Variants in TNR observed in about 807,000 individuals in gnomAD.
TNR encodes tenascin R.
In TNR, 45 loss-of-function variants were observed where a neutral mutation model predicts 150.4. The observed-to-expected ratio is 0.30, with a 90% CI of 0.24 to 0.38. The LOEUF (loss-of-function observed/expected upper bound fraction) is 0.38, where lower values mean the gene tolerates loss of function less well. Ranked by LOEUF, TNR falls within the 10% of genes least tolerant of loss-of-function variation. The pLI, the probability that TNR is intolerant of heterozygous loss-of-function variation, is 1.00. For missense variants in TNR, 1,544 were observed against 1,759.1 expected, an observed-to-expected ratio of 0.88 and a Z score of 2.19; for synonymous variants, 687 against 678.4, an observed-to-expected ratio of 1.01 and a Z score of -0.20.
chr1:175,346,183 A>T (rs1650772098), intron 18 of TNR, among the ~76,000 whole-genome samples: 1 of 152,252 alleles, frequency 6.6e-6, no homozygotes, highest in Admixed American at 6.5e-5. Context: ...TAGAGAACAC[A>T]AATAAGAGTG....
At chr1:175,739,906 C>A (rs181861163) in intron 1 of TNR, among the ~76,000 whole-genome samples, 2 of 152,340 alleles carry the variant, frequency 1.3e-5, no homozygotes, top group Non-Finnish European at 2.9e-5. Context: ...ATACTGAATT[C>A]TAAGTTTTTA....
At position 175,657,879 on chromosome 1, in the gene TNR, A is replaced by G. The variant is rs5020490; in HGVS notation, c.-165+85347T>C. ...TATATATATATATATATATATATAT[A>G]TATATGTAACAAACCTGCACGTTGT... On this transcript the variant is annotated intron_variant, in intron 1 of 22. Transcript: ENST00000367674. Among the ~76,000 whole-genome samples, 568 of 121,090 alleles carry G rather than the reference A, an allele frequency of 4.7e-3. 37 individuals are homozygous for G. Among genetic ancestry groups the G allele is most frequent in the African/African-American group, 0.013 (429 of 33,588 alleles). 79.4% of individuals were successfully genotyped at this position (121,090 alleles called of 152,430 possible). A position where few individuals can be genotyped will look rare whatever the true frequency, so the allele number is the denominator to read the frequency against.
intron 1 of TNR, among the ~76,000 whole-genome samples, chr1:175,652,152 ATATAT>A (rs1665019848): frequency 2.0e-5 from 3 of 147,302 alleles, no homozygotes; most frequent in Admixed American, 1.4e-4. Flanking sequence ...ACTTTATATA[ATATAT>A]TATGTATATA....
chr1:175,678,650 G>T (rs977175938), intron 1 of TNR, among the ~76,000 whole-genome samples: 1 of 152,212 alleles, frequency 6.6e-6, no homozygotes, highest in Non-Finnish European at 1.5e-5. Flanking sequence ...CAGCTTCAGG[G>T]CATTGACCAA....
At chr1:175,550,916 T>C (rs1660912446) in intron 1 of TNR, among the ~76,000 whole-genome samples, 1 of 152,110 alleles carries the variant, frequency 6.6e-6, no homozygotes, top group Admixed American at 6.6e-5. Flanking sequence ...AATGTTTAAA[T>C]TGACACCATG....
Position 175,365,021 on chromosome 1 carries a change from G to T in TNR, c.2576C>A (p.Ser859Tyr). 6.2e-7 allele frequency: 1 copy of T among 1,606,470 alleles called. No individual in the cohort carries two copies. The highest frequency in any genetic ancestry group is 1.3e-5 in the African/African-American group (1 of 74,860). Residue 859 changes from serine (S) to tyrosine (Y), a missense_variant, in exon 12 of 23, where the codon TCC becomes TAC. Physicochemically the swap from Ser to Tyr is moderately radical, Grantham distance 144. Coordinates refer to ENST00000367674, the MANE Select transcript of TNR (RefSeq NM_003285.3). ...TCCTCCAGCCTCACCTGTGGTGATG[G>T]AGCCCACAATGGGCTCAGAGGTCAC... Reference protein sequence around the residue: ...GTVTSEPIVGSITTGIDPPKD... With the variant: ...GTVTSEPIVGYITTGIDPPKD...
At chr1:175,609,196 G>T (rs930298503) in intron 1 of TNR, among the ~76,000 whole-genome samples, 1 of 152,134 alleles carries the variant, frequency 6.6e-6, no homozygotes, top group South Asian at 2.1e-4. Flanking sequence ...CAAACATAGT[G>T]GGAAGAAGAG....
chr1:175,561,862 G>T (rs1404115772), intron 1 of TNR, among the ~76,000 whole-genome samples: 1 of 152,168 alleles, frequency 6.6e-6, no homozygotes, highest in African/African-American at 2.4e-5. Context: ...TGAGGCCCGT[G>T]AGACCTGGGC....
intron 2 of TNR, among the ~76,000 whole-genome samples, chr1:175,513,016 C>T (rs1190961587): frequency 6.6e-6 from 1 of 152,198 alleles, no homozygotes; most frequent in Non-Finnish European, 1.5e-5. Context: ...GTATGGTTCC[C>T]TGGCCCCAAC....
chr1:175,631,607 T>C (rs1664329826), intron 1 of TNR, among the ~76,000 whole-genome samples: 1 of 152,202 alleles, frequency 6.6e-6, no homozygotes, highest in South Asian at 2.1e-4. Flanking sequence ...GTGGCCTATA[T>C]ATTGGGGGTC....
In TNR at chr1:175,323,056, C is replaced by T; in HGVS notation, c.*301G>A. The T allele has an allele frequency of 3.8e-6, 1 of 261,782 alleles. No homozygotes were observed. Among genetic ancestry groups the T allele is most frequent in the South Asian group, 7.6e-5 (1 of 13,226 alleles). 16.2% of individuals were successfully genotyped at this position (261,782 alleles called of 1,614,324 possible). ...GTGCCTGTCACCATAACAATCTGCACCCCACGACTTGGCTTTGAATTGGCC... is the reference window on the plus strand; with the variant it reads ...GTGCCTGTCACCATAACAATCTGCATCCCACGACTTGGCTTTGAATTGGCC... On this transcript the variant is annotated 3_prime_UTR_variant, in exon 23 of 23. Coordinates refer to ENST00000367674, the MANE Select transcript of TNR (RefSeq NM_003285.3).
chr1:175,370,338 CTTTTTTTTTTTTTTT>C lies in TNR; in HGVS notation c.1964-3056_1964-3042del, dbSNP rs55795922. 2.1e-4 allele frequency among the ~76,000 whole-genome samples: 9 copies of C among 42,972 alleles called. No individual in the cohort carries two copies. The East Asian group carries it at 5.1e-3, about 24-fold the overall frequency. 28.2% of individuals were successfully genotyped at this position (42,972 alleles called of 152,430 possible). A position where few individuals can be genotyped will look rare whatever the true frequency, so the allele number is the denominator to read the frequency against. On this transcript the variant is annotated intron_variant, in intron 9 of 22. Coordinates refer to ENST00000367674, the MANE Select transcript of TNR (RefSeq NM_003285.3). Reference sequence around the variant, plus strand: ...GAGAACTATTCCTGGATTTTGAGTACTTTTTTTTTTTTTTTTTTTTTTTTTTTTTTTGGTGAGTGG... The same window carrying C: ...GAGAACTATTCCTGGATTTTGAGTACTTTTTTTTTTTTTTTTGGTGAGTGG...
intron 18 of TNR, among the ~76,000 whole-genome samples, chr1:175,338,685 T>C (rs1207039169): frequency 6.6e-6 from 1 of 152,150 alleles, no homozygotes; most frequent in Non-Finnish European, 1.5e-5. Flanking sequence ...CAGTATACCC[T>C]AGTGGCAGAA....
intron 2 of TNR, among the ~76,000 whole-genome samples, chr1:175,442,908 T>C (rs1362909799): frequency 6.7e-6 from 1 of 149,590 alleles, no homozygotes; most frequent in Non-Finnish European, 1.5e-5. Flanking sequence ...GTATACCTTG[T>C]TGTAAAATAC....
chr1:175,511,549 G>A (rs895664391), intron 2 of TNR, among the ~76,000 whole-genome samples: 4 of 152,184 alleles, frequency 2.6e-5, no homozygotes, highest in Non-Finnish European at 5.9e-5. Flanking sequence ...ATGACCCTGT[G>A]ACAACTGCCA....
intron 1 of TNR, among the ~76,000 whole-genome samples, chr1:175,708,018 TTGTG>T (rs10676470): frequency 0.039 from 5,569 of 143,994 alleles, 128 homozygotes; most frequent in African/African-American, 0.072. Flanking sequence ...ATGTGTGTGT[TTGTG>T]TGTGTGTGTG....
At chr1:175,493,635 C>G (rs12080861) in intron 2 of TNR, among the ~76,000 whole-genome samples, 2,005 of 152,336 alleles carry the variant, frequency 0.013, 34 homozygotes, top group African/African-American at 0.045. Context: ...GTGCTCCGCA[C>G]TAAGCTTGTA....
chr1:175,681,872 C>G (rs1012277629), intron 1 of TNR, among the ~76,000 whole-genome samples: 10 of 152,182 alleles, frequency 6.6e-5, no homozygotes, highest in African/African-American at 2.2e-4. Flanking sequence ...CTGAAGCTGG[C>G]TTCATGCTCT....
At chr1:175,569,386 C>G (rs1661771837) in intron 1 of TNR, among the ~76,000 whole-genome samples, 1 of 152,170 alleles carries the variant, frequency 6.6e-6, no homozygotes, top group Admixed American at 6.5e-5. Context: ...ACAAAAGAAC[C>G]AAAGATTCAA....
Sources: allele counts gnomAD v4.1 joint callset (sites outside exome capture counted in the v4.1 genomes callset), GRCh38; gene constraint gnomAD v4.1.1; transcripts MANE v1.5; gene names NCBI Gene and HGNC (gene_info 2026-07-23, HGNC 2026-07-21).